Variants in PCDH9 observed in about 807,000 individuals in gnomAD.
The protein encoded by PCDH9 is protocadherin-9.
Under a neutral mutation model 70.6 loss-of-function variants are expected in PCDH9, and 24 were observed. That is an observed-to-expected ratio of 0.34 (90% CI 0.25 to 0.48). PCDH9 has a LOEUF of 0.48. PCDH9 is among the 20% of genes least tolerant of loss of function. The probability of loss-of-function intolerance (pLI) is 0.99; values close to 1 mark genes in which losing one functional copy is unlikely to be tolerated. For synonymous variants in PCDH9, 562 were observed against 558.5 expected (o/e 1.01, Z -0.09); for missense variants, 1,281 against 1,503.6 (o/e 0.85, Z 2.45).
chr13:67,227,439 G>A lies in PCDH9; in HGVS notation c.1002C>T (p.Asp334=), dbSNP rs200760769. The change falls in exon 2 of 5, where the codon GAC becomes GAT. Residue 334 remains aspartate, a synonymous_variant. Transcript: ENST00000377865. The surrounding 1 kb of genome is among the most constrained non-coding windows in gnomAD (Gnocchi z 4.6). ...TTGCTCGAGCAGGAGTGGAGCTGCC[G>A]TCACTAGCCAGCACTGTCACTTTGT... ...AIHKVTVLAS[D]GSSTPARATV... 74 of 1,613,916 alleles carry A rather than the reference G, an allele frequency of 4.6e-5. No homozygotes were observed. Among genetic ancestry groups the A allele is most frequent in the South Asian group, 1.3e-4 (12 of 91,070 alleles).
chr13:67,037,956 A>G (rs2085041870), intron 2 of PCDH9, among the ~76,000 whole-genome samples: 1 of 152,216 alleles, frequency 6.6e-6, no homozygotes, highest in Admixed American at 6.5e-5. Flanking sequence ...TTTCTGAGCA[A>G]TAAAAATATC....
chr13:66,814,139 G>T (rs1057472210), intron 3 of PCDH9, among the ~76,000 whole-genome samples: 25 of 152,118 alleles, frequency 1.6e-4, no homozygotes, highest in Admixed American at 1.0e-3. Flanking sequence ...AATATTTTAT[G>T]GAGGTACTTA....
intron 2 of PCDH9, chr13:67,212,842 G>A (rs1419155875): frequency 6.6e-6 from 1 of 152,042 alleles, no homozygotes; most frequent in Non-Finnish European, 1.5e-5. Flanking sequence ...AAATATAAAT[G>A]TCTTCATAGA....
At chr13:66,596,109 G>GA (rs528384555) in intron 4 of PCDH9, among the ~76,000 whole-genome samples, 14 of 151,624 alleles carry the variant, frequency 9.2e-5, no homozygotes, top group African/African-American at 2.4e-4. Flanking sequence ...TGATTCAAAA[G>GA]AAAATCACAT....
chr13:67,121,576 A>G (rs1469928209), intron 2 of PCDH9, among the ~76,000 whole-genome samples: 1 of 152,106 alleles, frequency 6.6e-6, no homozygotes, highest in African/African-American at 2.4e-5. Context: ...TCTTTTTTAC[A>G]TATTATCAGG....
At chr13:66,548,744 T>C (rs1435949643) in intron 4 of PCDH9, among the ~76,000 whole-genome samples, 3 of 152,112 alleles carry the variant, frequency 2.0e-5, no homozygotes, top group African/African-American at 7.2e-5. Context: ...ATGGGAGCTT[T>C]TCAAAGGTAA....
intron 4 of PCDH9, among the ~76,000 whole-genome samples, chr13:66,312,794 C>G (rs1955586168): frequency 6.6e-6 from 1 of 152,160 alleles, no homozygotes; most frequent in African/African-American, 2.4e-5. Context: ...CGAATCCACA[C>G]CACCAGGATT....
chr13:66,524,005 G>A (rs1243993867), intron 4 of PCDH9, among the ~76,000 whole-genome samples: 1 of 151,998 alleles, frequency 6.6e-6, no homozygotes, highest in Non-Finnish European at 1.5e-5. Context: ...ATGAGGCGGT[G>A]CTAAATGATA....
chr13:66,334,910 AT>A (rs553223966), intron 4 of PCDH9, among the ~76,000 whole-genome samples: 2 of 152,008 alleles, frequency 1.3e-5, no homozygotes, highest in Admixed American at 1.3e-4. Flanking sequence ...TTTACAGCAT[AT>A]TTTTATTCAT....
rs532298800 is a variant in PCDH9 at position 66,876,900 on chromosome 13, T to C, written c.3138+26604A>G. On this transcript the variant is annotated intron_variant, in intron 3 of 4. Coordinates refer to ENST00000377865, the MANE Select transcript of PCDH9 (RefSeq NM_203487.3). ...ATCAGACAGCTCTCACCACTTGATA[T>C]TGGATCCCTCTCACATACGGTAAGG... The C allele has an allele frequency of 5.9e-5, 9 of 152,210 alleles. No individual in the cohort carries two copies. In the South Asian group the frequency reaches 1.0e-3, roughly 18 times the overall value. 9.4% of individuals were successfully genotyped at this position (152,210 alleles called of 1,614,324 possible).
intron 2 of PCDH9, among the ~76,000 whole-genome samples, chr13:67,093,807 G>A (rs2086266770): frequency 6.6e-6 from 1 of 152,018 alleles, no homozygotes; most frequent in Admixed American, 6.6e-5. Context: ...GTGCAACCTG[G>A]GGTCTATGAA....
intron 2 of PCDH9, among the ~76,000 whole-genome samples, chr13:67,004,140 CTT>C (rs71802070): frequency 1.3e-5 from 2 of 148,492 alleles, no homozygotes; most frequent in African/African-American, 4.9e-5. Flanking sequence ...TAAAAATTAA[CTT>C]TTTTTTTTTG....
chr13:67,087,430 G>A (rs769585706), intron 2 of PCDH9, among the ~76,000 whole-genome samples: 2 of 152,144 alleles, frequency 1.3e-5, no homozygotes, highest in South Asian at 2.1e-4. Flanking sequence ...CTACAGAAAG[G>A]TTTATACTTT....
At chr13:66,667,497 A>G (rs559706867) in intron 3 of PCDH9, among the ~76,000 whole-genome samples, 2 of 152,258 alleles carry the variant, frequency 1.3e-5, no homozygotes, top group Admixed American at 1.3e-4. Flanking sequence ...GCAAATGAGC[A>G]CAGAAACCTG....
At chr13:66,701,278 T>TATAC (rs1555323648) in intron 3 of PCDH9, among the ~76,000 whole-genome samples, 11 of 151,502 alleles carry the variant, frequency 7.3e-5, no homozygotes, top group Non-Finnish European at 1.3e-4. Flanking sequence ...TATATATATA[T>TATAC]ACACACACAC....
intron 4 of PCDH9, among the ~76,000 whole-genome samples, chr13:66,545,775 T>C (rs1367075632): frequency 1.3e-5 from 2 of 151,732 alleles, no homozygotes; most frequent in Admixed American, 1.3e-4. Flanking sequence ...CTGGTTTATG[T>C]ATTTACTATG....
chr13:67,225,360 G>T (rs2089830139), intron 2 of PCDH9, 45 bp downstream of exon 2: 2 of 1,560,876 alleles, frequency 1.3e-6, no homozygotes, highest in Non-Finnish European at 1.8e-6. Context: ...GGTTGACTGG[G>T]CACTTGTATG....
At chr13:66,585,710 C>A (rs1366784625) in intron 4 of PCDH9, among the ~76,000 whole-genome samples, 1 of 152,072 alleles carries the variant, frequency 6.6e-6, no homozygotes, top group African/African-American at 2.4e-5. Flanking sequence ...TGTCAGAGAA[C>A]CTCAGGAGTG....
chr13:66,686,052 A>G (rs982621412), intron 3 of PCDH9, among the ~76,000 whole-genome samples: 3 of 152,138 alleles, frequency 2.0e-5, no homozygotes, highest in African/African-American at 7.2e-5. Context: ...TTGGAAAGGC[A>G]TGATTGTGTT....
Sources: allele counts gnomAD v4.1 joint callset (sites outside exome capture counted in the v4.1 genomes callset), GRCh38; gene constraint gnomAD v4.1.1; non-coding constraint Gnocchi (gnomAD v3.1); transcripts MANE v1.5; gene names NCBI Gene and HGNC (gene_info 2026-07-23, HGNC 2026-07-21).